The following TFDP2 variants were observed in gnomAD, a reference collection of about 807,000 sequenced individuals.
The protein encoded by TFDP2 is transcription factor Dp-2.
Under a neutral mutation model 59.3 loss-of-function variants are expected in TFDP2, and 17 were observed. That is an observed-to-expected ratio of 0.29 (90% CI 0.20 to 0.43). The LOEUF (loss-of-function observed/expected upper bound fraction) is 0.43. Ranked by LOEUF, TFDP2 falls within the 20% of genes least tolerant of loss-of-function variation. The probability of loss-of-function intolerance (pLI) is 1.00; values close to 1 mark genes in which losing one functional copy is unlikely to be tolerated. For synonymous variants in TFDP2, 180 were observed against 194.7 expected, an observed-to-expected ratio of 0.92 and a Z score of 0.63; for missense variants, 391 against 528.8, an observed-to-expected ratio of 0.74 and a Z score of 2.56.
chr3:141,991,918 T>G (rs966735472), intron 6 of TFDP2, among the ~76,000 whole-genome samples: 1 of 151,890 alleles, frequency 6.6e-6, no homozygotes, highest in Non-Finnish European at 1.5e-5. Flanking sequence ...GGTGCATGTC[T>G]GTAATCCCAG....
At chr3:141,988,032 G>A (rs1942318236) in intron 6 of TFDP2, among the ~76,000 whole-genome samples, 1 of 151,534 alleles carries the variant, frequency 6.6e-6, no homozygotes, top group Non-Finnish European at 1.5e-5. Context: ...TTGCAGCCTT[G>A]ACCTCCTATA....
At chr3:142,043,173 A>T in intron 3 of TFDP2, among the ~76,000 whole-genome samples, 1 of 151,644 alleles carries the variant, frequency 6.6e-6, no homozygotes, top group East Asian at 1.9e-4. Flanking sequence ...CAGCCTCCCA[A>T]GTAGCTGGGA....
chr3:142,123,871 T>G (rs1435530186), intron 1 of TFDP2, among the ~76,000 whole-genome samples: 1 of 152,154 alleles, frequency 6.6e-6, no homozygotes, highest in Non-Finnish European at 1.5e-5. Context: ...AAACTATTAT[T>G]ATTTACATAT....
chr3:142,017,938 T>TTTTATTTATTTATTTATTTA (rs374321449), intron 3 of TFDP2, among the ~76,000 whole-genome samples: 7,176 of 151,356 alleles, frequency 0.047, 225 homozygotes, highest in Middle Eastern at 0.096. Context: ...TGCCTCAATA[T>TTTTATTTATTTATTTATTTA]TTTATTTATT....
At chr3:142,075,807 T>C (rs908075315) in intron 3 of TFDP2, among the ~76,000 whole-genome samples, 6 of 143,508 alleles carry the variant, frequency 4.2e-5, no homozygotes, top group Non-Finnish European at 7.5e-5. Flanking sequence ...GTCAGGAGGC[T>C]GAAATGAAAG....
intron 3 of TFDP2, among the ~76,000 whole-genome samples, chr3:142,015,585 C>T (rs1383455258): frequency 6.6e-6 from 1 of 152,184 alleles, no homozygotes; most frequent in Non-Finnish European, 1.5e-5. Context: ...TTCTCACCTA[C>T]TCCTCTGCTA....
intron 3 of TFDP2, among the ~76,000 whole-genome samples, chr3:142,088,489 C>T (rs1381393114): frequency 1.3e-5 from 2 of 151,986 alleles, no homozygotes; most frequent in Non-Finnish European, 2.9e-5. Context: ...CGCCACCACA[C>T]CTGGCTAATT....
intron 3 of TFDP2, among the ~76,000 whole-genome samples, chr3:142,015,675 A>C (rs1341585694): frequency 6.6e-6 from 1 of 152,096 alleles, no homozygotes; most frequent in Non-Finnish European, 1.5e-5. Context: ...TGCCCACCCT[A>C]CCCCACAACT....
At chr3:142,059,419 G>A (rs568316096) in intron 3 of TFDP2, among the ~76,000 whole-genome samples, 7 of 152,022 alleles carry the variant, frequency 4.6e-5, no homozygotes, top group Middle Eastern at 3.4e-3. Context: ...AATAATATAC[G>A]ACCAATTTCT....
chr3:141,970,208 G>T, intron 8 of TFDP2, 67 bp from the exon 9 acceptor site: 1 of 1,463,068 alleles, frequency 6.8e-7, no homozygotes, highest in Non-Finnish European at 9.5e-7. Flanking sequence ...CACTTTCCAG[G>T]TCCCTATTCT....
intron 11 of TFDP2, among the ~76,000 whole-genome samples, chr3:141,956,318 G>A (rs910860425): frequency 5.3e-5 from 8 of 152,258 alleles, no homozygotes; most frequent in East Asian, 1.9e-4. Flanking sequence ...GTGGGAGGCC[G>A]AAGCGGGTGG....
At chr3:142,082,030 T>C (rs943061069) in intron 3 of TFDP2, among the ~76,000 whole-genome samples, 2 of 152,166 alleles carry the variant, frequency 1.3e-5, no homozygotes, top group South Asian at 4.1e-4. Context: ...AGGAGGTGAG[T>C]GGCGGGCGAG....
chr3:142,001,223 C>T (rs1200128213), intron 4 of TFDP2, among the ~76,000 whole-genome samples: 1 of 152,170 alleles, frequency 6.6e-6, no homozygotes, highest in East Asian at 1.9e-4. Context: ...CACTCTGCAC[C>T]CACTGGAGAT....
chr3:142,146,396 TATTA>T (rs1194198810), intron 1 of TFDP2, among the ~76,000 whole-genome samples: 2 of 152,110 alleles, frequency 1.3e-5, no homozygotes, highest in Non-Finnish European at 2.9e-5. Flanking sequence ...TATATATATA[TATTA>T]ATTATCTTCA....
At chr3:142,088,473 G>GCT in intron 3 of TFDP2, among the ~76,000 whole-genome samples, 1 of 152,056 alleles carries the variant, frequency 6.6e-6, no homozygotes, top group East Asian at 1.9e-4. Context: ...TGGGATTACA[G>GCT]GCATGCGCCA....
intron 1 of TFDP2, among the ~76,000 whole-genome samples, chr3:142,122,619 G>A (rs866229892): frequency 6.6e-6 from 1 of 152,180 alleles, no homozygotes; most frequent in Non-Finnish European, 1.5e-5. Flanking sequence ...GAGCTCCAGA[G>A]CCCTTTGGAG....
At chr3:142,038,751 G>A (rs1235000059) in intron 3 of TFDP2, among the ~76,000 whole-genome samples, 6 of 151,940 alleles carry the variant, frequency 3.9e-5, no homozygotes, top group African/African-American at 1.5e-4. Context: ...TACAAAAAAG[G>A]GGATCACACC....
intron 3 of TFDP2, among the ~76,000 whole-genome samples, chr3:142,036,986 G>A (rs946867386): frequency 6.6e-6 from 1 of 152,110 alleles, no homozygotes; most frequent in Non-Finnish European, 1.5e-5. Context: ...GTCTGAACTC[G>A]TTATAAGACT....
At chr3:141,987,930 C>A (rs994268490) in intron 6 of TFDP2, among the ~76,000 whole-genome samples, 1 of 105,070 alleles carries the variant, frequency 9.5e-6, no homozygotes, top group East Asian at 2.2e-4. Context: ...CAGAGCAAGA[C>A]CCTGCCTCAA....
Sources: gnomAD v4.1 joint callset for allele counts (sites outside exome capture counted in the v4.1 genomes callset) on GRCh38, gnomAD v4.1.1 for gene constraint, MANE v1.5 for transcripts, NCBI Gene and HGNC (gene_info 2026-07-23, HGNC 2026-07-21) for gene names.